ADGRB3: variants seen among roughly 807,000 people sequenced by gnomAD.
ADGRB3 encodes the protein adhesion G protein-coupled receptor B3, also known as brain-specific angiogenesis inhibitor 3.
ADGRB3 carries 37 observed loss-of-function variants against 193.4 expected under a neutral mutation model. The ratio of observed to expected loss-of-function variants is 0.19; its 90% CI spans 0.15 to 0.25. The LOEUF (loss-of-function observed/expected upper bound fraction) is 0.25. ADGRB3 is among the 10% of genes least tolerant of loss of function. The pLI, the probability that ADGRB3 is intolerant of heterozygous loss-of-function variation, is 1.00. For synonymous variants in ADGRB3, 690 were observed against 644.2 expected, an observed-to-expected ratio of 1.07 and a Z score of -1.08; for missense variants, 1,637 against 1,852.9, an observed-to-expected ratio of 0.88 and a Z score of 2.14.
At chr6:69,234,988 A>G (rs1766229134) in intron 18 of ADGRB3, 44 bp from the exon 19 acceptor site, 3 of 1,489,592 alleles carry the variant, frequency 2.0e-6, no homozygotes, top group South Asian at 2.3e-5. Flanking sequence ...ATTTTAATTT[A>G]TTAAAAACCA....
chr6:69,108,430 G>C (rs1773276377), intron 17 of ADGRB3, among the ~76,000 whole-genome samples: 1 of 150,304 alleles, frequency 6.7e-6, no homozygotes, highest in Non-Finnish European at 1.5e-5. Flanking sequence ...ATAAGGATCA[G>C]AATGCCTATA....
rs563362994 is a variant in ADGRB3 at position 68,855,859 on chromosome 6, A to C, written c.758-74700A>C. Among the ~76,000 whole-genome samples, 6 of 152,238 alleles carry C rather than the reference A, an allele frequency of 3.9e-5. No homozygotes were observed. In the East Asian group the frequency reaches 7.7e-4, roughly 20 times the overall value. On this transcript the variant is annotated intron_variant, in intron 3 of 31. Transcript: ENST00000370598. ...CAATAGTGAGACCCCCATCTCTACA[A>C]AAATTTTCTTTAAAAATTAGGCAGT...
At chr6:68,645,453 T>C (rs2127277796) in intron 3 of ADGRB3, among the ~76,000 whole-genome samples, 1 of 152,348 alleles carries the variant, frequency 6.6e-6, no homozygotes, top group East Asian at 1.9e-4. Flanking sequence ...ATAATACTTT[T>C]TTCTAGGTGT....
chr6:68,875,163 T>G (rs936805814), intron 3 of ADGRB3, among the ~76,000 whole-genome samples: 1 of 65,268 alleles, frequency 1.5e-5, no homozygotes, highest in African/African-American at 5.0e-5. Context: ...CTTCCTTCCT[T>G]CCTTCCTTCC....
chr6:69,000,963 A>G (rs1769558456), intron 11 of ADGRB3, among the ~76,000 whole-genome samples: 2 of 152,212 alleles, frequency 1.3e-5, no homozygotes, highest in South Asian at 4.1e-4. Flanking sequence ...ACCACATAAT[A>G]CCATTATTGC....
chr6:69,066,469 C>T (rs752721201), intron 16 of ADGRB3, among the ~76,000 whole-genome samples: 8 of 151,564 alleles, frequency 5.3e-5, no homozygotes, highest in Non-Finnish European at 1.0e-4. Context: ...AAATGTGTCT[C>T]AGAAAGCTTT....
intron 30 of ADGRB3, among the ~76,000 whole-genome samples, chr6:69,372,781 A>C (rs926498343): frequency 6.6e-6 from 1 of 151,918 alleles, no homozygotes; most frequent in South Asian, 2.1e-4. Flanking sequence ...ATTTAAAGCA[A>C]TTTTCTTGGT....
chr6:69,208,279 C>A lies in ADGRB3; in HGVS notation c.2481-25011C>A, dbSNP rs145297042. 2.7e-3 allele frequency among the ~76,000 whole-genome samples: 417 copies of A among 152,258 alleles called. 2 individuals are homozygous for A. Among genetic ancestry groups the A allele is most frequent in the Non-Finnish European group, 3.0e-3 (204 of 68,006 alleles). ...CTGAGGTCACCCGGTGGTGAGCATTCATATAAGATATTAATATCTTCACAG... is the reference window on the plus strand; with the variant it reads ...CTGAGGTCACCCGGTGGTGAGCATTAATATAAGATATTAATATCTTCACAG... On this transcript the variant is annotated intron_variant, in intron 17 of 31. Transcript: ENST00000370598.
intron 20 of ADGRB3, among the ~76,000 whole-genome samples, chr6:69,251,988 T>C (rs915218310): frequency 1.3e-5 from 2 of 152,172 alleles, no homozygotes; most frequent in Non-Finnish European, 2.9e-5. Context: ...TATATACTTA[T>C]GTAACCAATA....
At chr6:68,865,141 C>A (rs1477494633) in intron 3 of ADGRB3, among the ~76,000 whole-genome samples, 3 of 152,004 alleles carry the variant, frequency 2.0e-5, no homozygotes, top group Admixed American at 6.6e-5. Flanking sequence ...CCAACAGAAA[C>A]CTGAGTCTTG....
chr6:69,362,172 T>C (rs1769468056), intron 29 of ADGRB3, among the ~76,000 whole-genome samples: 1 of 151,946 alleles, frequency 6.6e-6, no homozygotes, highest in Non-Finnish European at 1.5e-5. Flanking sequence ...TCCAACCACA[T>C]GGCCTTTTTG....
At chr6:68,825,504 T>C (rs1273273156) in intron 3 of ADGRB3, among the ~76,000 whole-genome samples, 1 of 152,240 alleles carries the variant, frequency 6.6e-6, no homozygotes, top group Non-Finnish European at 1.5e-5. Flanking sequence ...GCCTCTTCGA[T>C]ACCGACAGAT....
intron 5 of ADGRB3, among the ~76,000 whole-genome samples, chr6:68,937,834 G>T (rs1767521832): frequency 6.6e-6 from 1 of 152,052 alleles, no homozygotes; most frequent in Admixed American, 6.6e-5. Context: ...GAAAAAGTCT[G>T]AATATCTGTT....
intron 20 of ADGRB3, among the ~76,000 whole-genome samples, chr6:69,320,390 C>T (rs994294221): frequency 6.6e-6 from 1 of 151,324 alleles, no homozygotes; most frequent in Non-Finnish European, 1.5e-5. Flanking sequence ...TCCGGGGGTA[C>T]ATGTGCAGCT....
chr6:68,919,783 C>A (rs1329676128), intron 3 of ADGRB3, among the ~76,000 whole-genome samples: 1 of 152,004 alleles, frequency 6.6e-6, no homozygotes, highest in Non-Finnish European at 1.5e-5. Context: ...TTCAAGAGAG[C>A]AGTTTCATTC....
chr6:69,377,107 G>T (rs1363793291), intron 30 of ADGRB3, among the ~76,000 whole-genome samples: 1 of 151,992 alleles, frequency 6.6e-6, no homozygotes, highest in Non-Finnish European at 1.5e-5. Context: ...CACACTTTAA[G>T]AACTAAGCTA....
intron 17 of ADGRB3, among the ~76,000 whole-genome samples, chr6:69,171,685 C>A (rs1775274689): frequency 6.6e-6 from 1 of 152,058 alleles, no homozygotes; most frequent in African/African-American, 2.4e-5. Flanking sequence ...TCCCTGTCTT[C>A]CCCTGGATGT....
intron 3 of ADGRB3, among the ~76,000 whole-genome samples, chr6:68,753,586 A>G (rs1049836598): frequency 5.9e-5 from 9 of 152,176 alleles, no homozygotes; most frequent in Non-Finnish European, 1.0e-4. Flanking sequence ...TTACTGCATC[A>G]TTATAATATT....
chr6:69,019,507 G>A (rs1055188770), intron 13 of ADGRB3, among the ~76,000 whole-genome samples: 2 of 151,942 alleles, frequency 1.3e-5, no homozygotes, highest in Non-Finnish European at 2.9e-5. Context: ...AGGTCCCTAA[G>A]TCCTGCAGAG....
Sources: allele counts gnomAD v4.1 joint callset (sites outside exome capture counted in the v4.1 genomes callset), GRCh38; gene constraint gnomAD v4.1.1; transcripts MANE v1.5; gene names NCBI Gene and HGNC (gene_info 2026-07-23, HGNC 2026-07-21).